The following CCDC92 variants were observed in gnomAD, a reference collection of about 807,000 sequenced individuals.
CCDC92 encodes the protein coiled-coil domain containing 92.
A neutral mutation model predicts 24.9 loss-of-function variants in CCDC92; 12 were observed. That is an observed-to-expected ratio of 0.48 (90% CI 0.31 to 0.78). The LOEUF is 0.78. Ranked by LOEUF, CCDC92 falls within the 30% of genes least tolerant of loss-of-function variation. The pLI is 0.05. For missense variants in CCDC92, 399 were observed against 439.4 expected (o/e 0.91, Z 0.82); for synonymous variants, 193 against 196.3 (o/e 0.98, Z 0.14).
chr12:123,958,291 G>A (rs1469397781), intron 1 of CCDC92, among the ~76,000 whole-genome samples: 1 of 152,090 alleles, frequency 6.6e-6, no homozygotes, highest in Non-Finnish European at 1.5e-5. Flanking sequence ...GACCTCAGGT[G>A]ATCCTCCTGC....
chr12:123,955,977 T>G (rs943259397), intron 1 of CCDC92, among the ~76,000 whole-genome samples: 1 of 152,198 alleles, frequency 6.6e-6, no homozygotes, highest in Non-Finnish European at 1.5e-5. Flanking sequence ...AATTTAGCTA[T>G]GCATCAAGCA....
At position 123,937,938 on chromosome 12, in the gene CCDC92, T is replaced by C; in HGVS notation, c.224-108A>G. On this transcript the variant is annotated intron_variant, in intron 4 of 4. Transcript: ENST00000238156. The surrounding 1 kb of genome is among the most constrained non-coding windows in gnomAD (Gnocchi z 8.4). ...TCTGGTGGGGGCCCTGTCTAGGCTG[T>C]GGGGGCCATGCAGAAGGCAGGGCTG... 8.7e-7 allele frequency: 1 copy of C among 1,146,154 alleles called. No homozygotes were observed. Among genetic ancestry groups the C allele is most frequent in the South Asian group, 1.5e-5 (1 of 65,842 alleles). The allele number at this position is 1,146,154 out of a possible 1,614,324, so 71.0% of individuals were successfully genotyped here.
chr12:123,957,182 T>C (rs1156847083), intron 1 of CCDC92, among the ~76,000 whole-genome samples: 1 of 152,248 alleles, frequency 6.6e-6, no homozygotes, highest in African/African-American at 2.4e-5. Flanking sequence ...TTTTGGAACT[T>C]AGCAATTTTG....
intron 1 of CCDC92, among the ~76,000 whole-genome samples, chr12:123,954,021 T>C (rs759323486): frequency 1.3e-5 from 2 of 152,216 alleles, no homozygotes; most frequent in African/African-American, 2.4e-5. Context: ...GATTTTTACC[T>C]TTTAAAAGTT....
intron 1 of CCDC92, among the ~76,000 whole-genome samples, chr12:123,954,114 C>T (rs1459738249): frequency 6.6e-6 from 1 of 152,162 alleles, no homozygotes; most frequent in Non-Finnish European, 1.5e-5. Flanking sequence ...AAGATAATCA[C>T]TAAATATCCA....
At chr12:123,949,111 G>T (rs1410324124) in intron 1 of CCDC92, among the ~76,000 whole-genome samples, 1 of 152,192 alleles carries the variant, frequency 6.6e-6, no homozygotes, top group Non-Finnish European at 1.5e-5. Flanking sequence ...GGTCAGCGTG[G>T]CAGATGAAAG....
chr12:123,958,564 G>A (rs1266322163), intron 1 of CCDC92, among the ~76,000 whole-genome samples: 1 of 152,234 alleles, frequency 6.6e-6, no homozygotes, highest in Admixed American at 6.5e-5. Flanking sequence ...AGGACGAGCT[G>A]CCTCCTCACA....
chr12:123,965,820 C>G (rs1404354368), intron 1 of CCDC92, among the ~76,000 whole-genome samples: 1 of 152,240 alleles, frequency 6.6e-6, no homozygotes, highest in Non-Finnish European at 1.5e-5. Flanking sequence ...GGGTGGCATG[C>G]TCCAAATTTA....
intron 1 of CCDC92, 98 bp from the exon 2 acceptor site, chr12:123,944,462 C>T (rs1050357820): frequency 1.3e-5 from 9 of 668,012 alleles, no homozygotes; most frequent in Middle Eastern, 5.3e-4. Context: ...GAGAACCCTC[C>T]GTAAAGGAGG....
chr12:123,959,826 T>C (rs569862934), intron 1 of CCDC92, among the ~76,000 whole-genome samples: 34 of 152,302 alleles, frequency 2.2e-4, no homozygotes, highest in Non-Finnish European at 4.6e-4. Flanking sequence ...ATGAGGCTAG[T>C]GTCTACCATG....
intron 1 of CCDC92, among the ~76,000 whole-genome samples, chr12:123,950,898 T>C (rs1340971276): frequency 1.3e-5 from 2 of 152,246 alleles, no homozygotes; most frequent in African/African-American, 4.8e-5. Flanking sequence ...TCTGACTTTC[T>C]TGGGACCAAG....
intron 4 of CCDC92, among the ~76,000 whole-genome samples, chr12:123,939,333 TC>T (rs1955616759): frequency 6.6e-6 from 1 of 152,200 alleles, no homozygotes; most frequent in Admixed American, 6.5e-5. Context: ...GCCGCCAGAC[TC>T]TGAGCTTTTG....
In CCDC92 at chr12:123,937,121, C is replaced by T. The variant is rs372423224; in HGVS notation, c.933G>A (p.Ala311=). Residue 311 remains alanine (A), a synonymous_variant, in exon 5 of 5, where the codon GCG becomes GCA. Coordinates refer to ENST00000238156, the MANE Select transcript of CCDC92 (RefSeq NM_025140.3). This position sits in a 1 kb window ranked among gnomAD's most constrained non-coding sequence, Gnocchi z 8.4. ...CCTTGCCTCCGTTCACCTGGTCGAC[C>T]GCCAGGGTCTTCACCTCGGGCTGGG... is the stretch of plus-strand genomic sequence containing the variant. The part of the protein sequence containing the change: ...PQAQPEVKTL[A]VDQVNGGKVV... 1.9e-5 allele frequency: 31 copies of T among 1,613,486 alleles called. No individual in the cohort carries two copies. Among genetic ancestry groups the T allele is most frequent in the South Asian group, 1.6e-4 (15 of 91,090 alleles).
At chr12:123,962,104 T>C (rs1956284573) in intron 1 of CCDC92, among the ~76,000 whole-genome samples, 2 of 152,230 alleles carry the variant, frequency 1.3e-5, no homozygotes, top group South Asian at 2.1e-4. Context: ...GTCTACTCTT[T>C]CGTGCCAGAT....
intron 1 of CCDC92, among the ~76,000 whole-genome samples, chr12:123,952,588 A>G (rs1473512832): frequency 6.6e-6 from 1 of 152,246 alleles, no homozygotes; most frequent in African/African-American, 2.4e-5. Context: ...AATGAACTGG[A>G]TAAATAGTTT....
chr12:123,942,900 G>A (rs1472902589), intron 3 of CCDC92, 115 bp from the exon 4 acceptor site: 4 of 813,256 alleles, frequency 4.9e-6, no homozygotes, highest in African/African-American at 1.7e-5. Flanking sequence ...CCCAGACAGA[G>A]CAGGGTTTGG....
intron 1 of CCDC92, chr12:123,965,981 T>C (rs183434580): frequency 1.3e-5 from 2 of 152,344 alleles, no homozygotes; most frequent in African/African-American, 2.4e-5. Context: ...TTAGTTTTAT[T>C]CAAATGAGAA....
intron 4 of CCDC92, among the ~76,000 whole-genome samples, chr12:123,942,289 A>G (rs2137907779): frequency 6.6e-6 from 1 of 152,290 alleles, no homozygotes; most frequent in East Asian, 1.9e-4. Flanking sequence ...CTGTCTAGTA[A>G]TGTGACCACT....
intron 4 of CCDC92, among the ~76,000 whole-genome samples, chr12:123,938,177 C>G (rs924562797): frequency 1.3e-5 from 2 of 152,226 alleles, no homozygotes; most frequent in Non-Finnish European, 2.9e-5. Context: ...GCTCAGATGG[C>G]ATTTATGGAA....
Sources: allele counts gnomAD v4.1 joint callset (sites outside exome capture counted in the v4.1 genomes callset), GRCh38; gene constraint gnomAD v4.1.1; non-coding constraint Gnocchi (gnomAD v3.1); transcripts MANE v1.5; gene names NCBI Gene and HGNC (gene_info 2026-07-23, HGNC 2026-07-21).